ITGA11: variants seen among roughly 807,000 people sequenced by gnomAD.
The protein encoded by ITGA11 is integrin alpha-11.
ITGA11 carries 97 observed loss-of-function variants against 141.9 expected under a neutral mutation model. That is an observed-to-expected ratio of 0.68 (90% CI 0.58 to 0.81). ITGA11 has a LOEUF of 0.81. Among genes scored for constraint, ITGA11 ranks in the 30% least tolerant of loss-of-function variants. The pLI is 0.00. For missense variants in ITGA11, 1,387 were observed against 1,559.2 expected, an observed-to-expected ratio of 0.89 and a Z score of 1.86; for synonymous variants, 658 against 624.6, an observed-to-expected ratio of 1.05 and a Z score of -0.80.
intron 10 of ITGA11, among the ~76,000 whole-genome samples, chr15:68,343,090 T>G (rs998512983): frequency 2.6e-5 from 4 of 152,022 alleles, no homozygotes; most frequent in Admixed American, 2.6e-4. Flanking sequence ...AAAATCAGCA[T>G]TTTTAATTCT....
intron 1 of ITGA11, among the ~76,000 whole-genome samples, chr15:68,431,032 C>T (rs1172866222): frequency 6.6e-6 from 1 of 152,262 alleles, no homozygotes; most frequent in Non-Finnish European, 1.5e-5. Context: ...GGTTGAGCGC[C>T]CACACCCGGC....
chr15:68,431,176 G>A (rs1897261358), intron 1 of ITGA11, among the ~76,000 whole-genome samples: 1 of 152,232 alleles, frequency 6.6e-6, no homozygotes, highest in African/African-American at 2.4e-5. Context: ...GTACCCTAGG[G>A]CGGAGAGCTC....
At chr15:68,429,738 C>G (rs1266836442) in intron 1 of ITGA11, among the ~76,000 whole-genome samples, 1 of 152,202 alleles carries the variant, frequency 6.6e-6, no homozygotes, top group Non-Finnish European at 1.5e-5. Context: ...TCTTCAAAGT[C>G]CACACTGACC....
At chr15:68,377,289 T>A (rs1446010006) in intron 2 of ITGA11, among the ~76,000 whole-genome samples, 1 of 152,198 alleles carries the variant, frequency 6.6e-6, no homozygotes, top group Non-Finnish European at 1.5e-5. Context: ...TTTGTTTTTT[T>A]GAGACAGAGT....
intron 1 of ITGA11, among the ~76,000 whole-genome samples, chr15:68,420,740 G>A (rs574595573): frequency 6.6e-6 from 1 of 152,336 alleles, no homozygotes; most frequent in Non-Finnish European, 1.5e-5. Flanking sequence ...GCCAAGCACT[G>A]TTCTGGGCCC....
chr15:68,385,453 C>G (rs1895962915), intron 2 of ITGA11, among the ~76,000 whole-genome samples: 1 of 152,244 alleles, frequency 6.6e-6, no homozygotes, highest in Admixed American at 6.5e-5. Context: ...ATTTACTCTT[C>G]AGGGATTGCC....
chr15:68,413,981 T>C (rs746078669), intron 1 of ITGA11, among the ~76,000 whole-genome samples: 3 of 152,198 alleles, frequency 2.0e-5, no homozygotes, highest in Non-Finnish European at 4.4e-5. Flanking sequence ...GCCTGTACCA[T>C]GGAGACTTGG....
At chr15:68,414,546 C>G (rs1896844071) in intron 1 of ITGA11, among the ~76,000 whole-genome samples, 2 of 152,180 alleles carry the variant, frequency 1.3e-5, no homozygotes, top group African/African-American at 4.8e-5. Flanking sequence ...GTCTCCTCTT[C>G]TAGAAAATGA....
At chr15:68,397,690 AAATATTATATTTAAAAT>A (rs1341155243) in intron 2 of ITGA11, among the ~76,000 whole-genome samples, 11 of 81,220 alleles carry the variant, frequency 1.4e-4, no homozygotes, top group East Asian at 4.0e-4. Context: ...ATTATATTTA[AAATATTATATTTAAAAT>A]ATTATATTTA....
At chr15:68,345,589 C>G (rs576039229) in intron 10 of ITGA11, among the ~76,000 whole-genome samples, 1 of 152,362 alleles carries the variant, frequency 6.6e-6, no homozygotes, top group Admixed American at 6.5e-5. Context: ...GAACATTCTA[C>G]TAGGGATCTC....
At position 68,307,839 on chromosome 15, in the gene ITGA11, T is replaced by C. The variant is rs1489464501; in HGVS notation, c.3175-143A>G. 2.1e-5 allele frequency: 13 copies of C among 614,270 alleles called. No individual in the cohort carries two copies. The highest frequency in any genetic ancestry group is 3.7e-5 in the African/African-American group (2 of 54,038). 38.1% of individuals were successfully genotyped at this position (614,270 alleles called of 1,614,324 possible). ...AAGAGAAAGTTGGGAGTGGGGGACA[T>C]GTGCATTGCGTCTGCCAGGGGATGA... is the stretch of plus-strand genomic sequence containing the variant. On this transcript the variant is annotated intron_variant, in intron 26 of 29. Transcript: ENST00000315757. The surrounding 1 kb of genome is among the most constrained non-coding windows in gnomAD (Gnocchi z 6.1).
intron 4 of ITGA11, among the ~76,000 whole-genome samples, chr15:68,362,710 G>A (rs1163284683): frequency 6.6e-6 from 1 of 152,102 alleles, no homozygotes; most frequent in African/African-American, 2.4e-5. Context: ...AGATGTGAAT[G>A]GATGGACAGA....
intron 1 of ITGA11, among the ~76,000 whole-genome samples, chr15:68,426,751 GC>G (rs1566946933): frequency 6.6e-6 from 1 of 152,102 alleles, no homozygotes; most frequent in Non-Finnish European, 1.5e-5. Context: ...AAAAGCAGTG[GC>G]CCTTCTAATC....
At chr15:68,360,362 T>C (rs1225394046) in intron 5 of ITGA11, among the ~76,000 whole-genome samples, 1 of 152,230 alleles carries the variant, frequency 6.6e-6, no homozygotes, top group Non-Finnish European at 1.5e-5. Flanking sequence ...TTATTGTTGA[T>C]TTCTTTCTTA....
At chr15:68,375,684 A>T (rs1376114239) in intron 2 of ITGA11, among the ~76,000 whole-genome samples, 1 of 151,520 alleles carries the variant, frequency 6.6e-6, no homozygotes, top group Non-Finnish European at 1.5e-5. Context: ...CACATCCCTT[A>T]CTCTCCCTCC....
rs1044324730 is a variant in ITGA11 at position 68,308,136 on chromosome 15, G to A, written c.3175-440C>T. The stretch of plus-strand genomic sequence containing the variant: ...TAAAAGGGGTCTTCATAAAGTTCAT[G>A]GAAAATGTGTATTATGGAAAAATTA... On this transcript the variant is annotated intron_variant, in intron 26 of 29. Coordinates refer to ENST00000315757, the MANE Select transcript of ITGA11 (RefSeq NM_001004439.2). This position sits in a 1 kb window ranked among gnomAD's most constrained non-coding sequence, Gnocchi z 5.2. Among the ~76,000 whole-genome samples, 3 of 152,172 alleles carry A rather than the reference G, an allele frequency of 2.0e-5. No homozygotes were observed. The highest frequency in any genetic ancestry group is 7.2e-5 in the African/African-American group (3 of 41,440).
intron 4 of ITGA11, among the ~76,000 whole-genome samples, chr15:68,363,177 G>A (rs1043991808): frequency 2.0e-5 from 3 of 152,182 alleles, no homozygotes; most frequent in African/African-American, 7.2e-5. Context: ...TAGATGAATG[G>A]AGGAATGAAT....
At chr15:68,400,787 ATTAT>A (rs369518870) in intron 2 of ITGA11, among the ~76,000 whole-genome samples, 2 of 47,202 alleles carry the variant, frequency 4.2e-5, no homozygotes, top group East Asian at 3.1e-3. Flanking sequence ...TAAATATTAT[ATTAT>A]ATATTATATA....
Position 68,308,400 on chromosome 15 carries a change from T to C in ITGA11, c.3175-704A>G, listed in dbSNP as rs1164788280. ...ATGCTTTATAAAAAGTTGATGGGGA[T>C]GATATCACAAAGAAATCAGCAGTTT... On this transcript the variant is annotated intron_variant, in intron 26 of 29. Coordinates refer to ENST00000315757, the MANE Select transcript of ITGA11 (RefSeq NM_001004439.2). This position sits in a 1 kb window ranked among gnomAD's most constrained non-coding sequence, Gnocchi z 5.2. Among the ~76,000 whole-genome samples, 2 of 152,198 alleles carry C rather than the reference T, an allele frequency of 1.3e-5. No individual in the cohort carries two copies. Among genetic ancestry groups the C allele is most frequent in the Non-Finnish European group, 2.9e-5 (2 of 68,038 alleles).
Sources: allele counts gnomAD v4.1 joint callset (sites outside exome capture counted in the v4.1 genomes callset), GRCh38; gene constraint gnomAD v4.1.1; non-coding constraint Gnocchi (gnomAD v3.1); transcripts MANE v1.5; gene names NCBI Gene and HGNC (gene_info 2026-07-23, HGNC 2026-07-21).